Variants in PTBP2 observed in about 807,000 individuals in gnomAD.
PTBP2 encodes polypyrimidine tract-binding protein 2.
A neutral mutation model predicts 61.4 loss-of-function variants in PTBP2; 13 were observed. The observed-to-expected ratio is 0.21, with a 90% CI of 0.14 to 0.34. The LOEUF is 0.34. Among genes scored for constraint, PTBP2 ranks in the 10% least tolerant of loss-of-function variants. The pLI is 1.00. For missense variants in PTBP2, 405 were observed against 642.6 expected (o/e 0.63, Z 4.00); for synonymous variants, 215 against 218.5 (o/e 0.98, Z 0.14).
intron 11 of PTBP2, among the ~76,000 whole-genome samples, chr1:96,811,727 T>C (rs972881931): frequency 6.6e-6 from 1 of 152,232 alleles, no homozygotes; most frequent in Non-Finnish European, 1.5e-5. Context: ...CTACTGTTAA[T>C]ACTTTATTAT....
intron 2 of PTBP2, among the ~76,000 whole-genome samples, chr1:96,731,010 T>G (rs6701205): frequency 0.29 from 44,328 of 151,594 alleles, 7,195 homozygotes; most frequent in East Asian, 0.44. Context: ...AAGTCCACTG[T>G]TTTTTTTTAA....
chr1:96,737,219 G>C (rs1447032976), intron 2 of PTBP2, among the ~76,000 whole-genome samples: 1 of 152,176 alleles, frequency 6.6e-6, no homozygotes, highest in Admixed American at 6.5e-5. Context: ...GCCCACCCTG[G>C]CCTCCCAAAG....
In PTBP2 at chr1:96,758,180, C is replaced by T. The variant is rs149627010; in HGVS notation, c.115+6680C>T. Among the ~76,000 whole-genome samples, 861 of 151,986 alleles carry T rather than the reference C, an allele frequency of 5.7e-3. 5 individuals are homozygous for T. Among genetic ancestry groups the T allele is most frequent in the South Asian group, 0.01 (49 of 4,818 alleles). ...ATGTTGTTAAGGCTAACAAATTCAGCAACTTAGATGAAAAGTTTCTTGACA... is the reference window on the plus strand; with the variant it reads ...ATGTTGTTAAGGCTAACAAATTCAGTAACTTAGATGAAAAGTTTCTTGACA... On this transcript the variant is annotated intron_variant, in intron 3 of 13. Transcript: ENST00000674951.
At chr1:96,790,264 A>C (rs1226610099) in intron 8 of PTBP2, among the ~76,000 whole-genome samples, 1 of 149,190 alleles carries the variant, frequency 6.7e-6, no homozygotes, top group African/African-American at 2.4e-5. Flanking sequence ...GATAAGATTT[A>C]GAGCCTTTTT....
At chr1:96,723,222 G>A (rs527728218) in intron 1 of PTBP2, among the ~76,000 whole-genome samples, 4 of 152,218 alleles carry the variant, frequency 2.6e-5, no homozygotes, top group Non-Finnish European at 5.9e-5. Context: ...CTGATTCCTG[G>A]TTCCTGTGGA....
rs146248060 is a variant in PTBP2 at position 96,784,101 on chromosome 1, G to A, written c.709-958G>A. On this transcript the variant is annotated intron_variant, in intron 7 of 13. Transcript: ENST00000674951. ...TAGAGGTTTACTTTTTCCATAACACGACATGTTTATTCTTCTAATGAAAAG... is the reference window on the plus strand; with the variant it reads ...TAGAGGTTTACTTTTTCCATAACACAACATGTTTATTCTTCTAATGAAAAG... Among the ~76,000 whole-genome samples the A allele has an allele frequency of 8.5e-3, 1,298 of 152,080 alleles. 5 individuals are homozygous for A. The highest frequency in any genetic ancestry group is 0.014 in the Non-Finnish European group (934 of 67,920).
At chr1:96,771,891 A>G (rs1486173201) in intron 5 of PTBP2, among the ~76,000 whole-genome samples, 1 of 152,100 alleles carries the variant, frequency 6.6e-6, no homozygotes, top group Non-Finnish European at 1.5e-5. Flanking sequence ...TCCTTTAGCT[A>G]TTTTGGAAGT....
chr1:96,736,793 C>T (rs1442585234), intron 2 of PTBP2, among the ~76,000 whole-genome samples: 13 of 152,098 alleles, frequency 8.5e-5, no homozygotes, highest in Admixed American at 6.5e-4. Context: ...CCTCCCACCT[C>T]AGCCTCCCAA....
intron 8 of PTBP2, among the ~76,000 whole-genome samples, chr1:96,799,285 T>C (rs1218843966): frequency 4.8e-5 from 7 of 145,730 alleles, no homozygotes; most frequent in African/African-American, 1.8e-4. Flanking sequence ...ATCCTCAGAA[T>C]AGATCAAGCT....
intron 2 of PTBP2, among the ~76,000 whole-genome samples, chr1:96,736,739 C>T (rs1416995820): frequency 6.6e-6 from 1 of 151,404 alleles, no homozygotes; most frequent in Non-Finnish European, 1.5e-5. Flanking sequence ...GCTGGAGTGC[C>T]GTGGCATGAT....
At chr1:96,801,813 A>G in intron 8 of PTBP2, among the ~76,000 whole-genome samples, 1 of 149,890 alleles carries the variant, frequency 6.7e-6, no homozygotes, top group Admixed American at 6.7e-5. Flanking sequence ...GTGAGCCAAA[A>G]TCTCGCCATT....
intron 8 of PTBP2, among the ~76,000 whole-genome samples, chr1:96,789,783 A>G (rs895434977): frequency 2.6e-5 from 4 of 152,034 alleles, no homozygotes; most frequent in African/African-American, 7.2e-5. Flanking sequence ...AGTTTTATCT[A>G]TTCAGTTTTT....
chr1:96,816,634 AAGCATTTTAGCTCCTAG>A (rs749483900), downstream of PTBP2: 13 of 152,180 alleles, frequency 8.5e-5, no homozygotes, highest in Non-Finnish European at 1.8e-4. Context: ...AACACTTTGG[AAGCATTTTAGCTCCTAG>A]AGTTAAGGTT....
At chr1:96,774,580 A>G (rs937865424) in intron 5 of PTBP2, among the ~76,000 whole-genome samples, 2 of 152,218 alleles carry the variant, frequency 1.3e-5, no homozygotes, top group African/African-American at 4.8e-5. Context: ...ACCAGGTCCT[A>G]TTAGTTCACA....
In PTBP2 at chr1:96,806,963, G is replaced by A; in HGVS notation, c.1171+5G>A. 2.5e-6 allele frequency: 4 copies of A among 1,591,570 alleles called. No individual in the cohort carries two copies. The highest frequency in any genetic ancestry group is 1.7e-4 in the Middle Eastern group (1 of 6,008). ...ATGGAAACCAATCACAACTTGGTAA[G>A]ATTAAACTATGTTTTATCTATACAT... On this transcript the variant is annotated splice_donor_5th_base_variant and intron_variant, in intron 11 of 13. Coordinates refer to ENST00000674951, the MANE Select transcript of PTBP2 (RefSeq NM_021190.4).
intron 7 of PTBP2, 44 bp from the exon 8 acceptor site, chr1:96,785,015 A>AT: frequency 7.2e-7 from 1 of 1,386,640 alleles, no homozygotes; most frequent in South Asian, 1.4e-5. Flanking sequence ...ACTAATTTTT[A>AT]TTTTTTGTTT....
chr1:96,767,337 C>A (rs905449076), intron 3 of PTBP2, among the ~76,000 whole-genome samples: 1 of 151,948 alleles, frequency 6.6e-6, no homozygotes. Context: ...AGCCTTTTTT[C>A]TCCTTATGGG....
intron 2 of PTBP2, among the ~76,000 whole-genome samples, chr1:96,747,549 G>A (rs1316273883): frequency 6.6e-6 from 1 of 151,696 alleles, no homozygotes; most frequent in African/African-American, 2.4e-5. Flanking sequence ...TATTAAGATA[G>A]TCAATTAAAT....
At chr1:96,723,027 TG>T (rs1382357894) in intron 1 of PTBP2, among the ~76,000 whole-genome samples, 2 of 152,200 alleles carry the variant, frequency 1.3e-5, no homozygotes, top group African/African-American at 2.4e-5. Context: ...GCCTAGAGTT[TG>T]GTGTGTTTTA....
Sources: gnomAD v4.1 joint callset for allele counts (sites outside exome capture counted in the v4.1 genomes callset) on GRCh38, gnomAD v4.1.1 for gene constraint, MANE v1.5 for transcripts, NCBI Gene and HGNC (gene_info 2026-07-23, HGNC 2026-07-21) for gene names.